Variants in SLC30A10 observed in about 807,000 individuals in gnomAD.
The protein encoded by SLC30A10 is calcium/manganese antiporter SLC30A10.
SLC30A10 carries 8 observed loss-of-function variants against 21.7 expected under a neutral mutation model. That is an observed-to-expected ratio of 0.37 (90% CI 0.22 to 0.67). The LOEUF is 0.67. SLC30A10 is among the 30% of genes least tolerant of loss of function. The probability of loss-of-function intolerance (pLI) is 0.58; values close to 1 mark genes in which losing one functional copy is unlikely to be tolerated. For missense variants in SLC30A10, 521 were observed against 642.5 expected (o/e 0.81, Z 2.04); for synonymous variants, 272 against 279.4 (o/e 0.97, Z 0.26).
chr1:219,958,815 C>T (rs1456706913), upstream of SLC30A10, among the ~76,000 whole-genome samples: 7 of 152,142 alleles, frequency 4.6e-5, 1 homozygote, highest in South Asian at 8.3e-4. Context: ...CGTAAGTGCT[C>T]TTCTTGTGCT....
At chr1:219,932,715 T>C (rs111384818), upstream of SLC30A10, among the ~76,000 whole-genome samples, 12 of 143,356 alleles carry the variant, frequency 8.4e-5, no homozygotes, top group Non-Finnish European at 1.4e-4. Flanking sequence ...CTTTTTTTTT[T>C]TTTTTTTTTT....
intron 2 of SLC30A10, among the ~76,000 whole-genome samples, chr1:219,922,188 T>TTG (rs1558252132): frequency 7.5e-5 from 1 of 13,374 alleles, no homozygotes; most frequent in Admixed American, 7.7e-4. Context: ...TTTTTTTTTT[T>TTG]TTTTTTTTTT....
chr1:219,954,986 C>T (rs1243246859), intron 1 of SLC30A10, among the ~76,000 whole-genome samples: 2 of 151,986 alleles, frequency 1.3e-5, no homozygotes, highest in African/African-American at 4.8e-5. Flanking sequence ...AAAGAAACTT[C>T]AGGTCTGAAA....
chr1:219,913,293 T>C lies in SLC30A10; in HGVS notation c.*2156A>G, dbSNP rs1014993801. Among the ~76,000 whole-genome samples, 1 of 152,278 alleles carries C rather than the reference T, an allele frequency of 6.6e-6. No homozygotes were observed. The highest frequency in any genetic ancestry group is 1.5e-5 in the Non-Finnish European group (1 of 68,050). On this transcript the variant is annotated 3_prime_UTR_variant, in exon 4 of 4. Coordinates refer to ENST00000366926, the MANE Select transcript of SLC30A10 (RefSeq NM_018713.3). ...CTGGTATAACTGTCTATCAAGATAC[T>C]TTTCTGAAGTTAGGTTTAATTACAG...
chr1:219,939,521 C>G (rs544085158), intron 1 of SLC30A10, among the ~76,000 whole-genome samples: 1 of 152,260 alleles, frequency 6.6e-6, no homozygotes, highest in Non-Finnish European at 1.5e-5. Flanking sequence ...CTCCACCCCC[C>G]CAGGTTCAAG....
chr1:219,916,928 C>T (rs528908328), intron 3 of SLC30A10, among the ~76,000 whole-genome samples: 5 of 149,982 alleles, frequency 3.3e-5, no homozygotes, highest in South Asian at 2.1e-4. Flanking sequence ...ATGTAGTAAA[C>T]GCTATGAAAA....
At chr1:219,932,472 G>A (rs1659982405), upstream of SLC30A10, among the ~76,000 whole-genome samples, 2 of 151,938 alleles carry the variant, frequency 1.3e-5, no homozygotes, top group South Asian at 2.1e-4. Flanking sequence ...TTTGTTTTTA[G>A]TTCTACTTGA....
chr1:219,951,700 G>C (rs983665326), intron 1 of SLC30A10, among the ~76,000 whole-genome samples: 1 of 151,142 alleles, frequency 6.6e-6, no homozygotes, highest in Non-Finnish European at 1.5e-5. Context: ...CAGCCTGGAC[G>C]ACAGAGTGAG....
At chr1:219,932,083 G>A (rs533687011), upstream of SLC30A10, among the ~76,000 whole-genome samples, 4 of 141,536 alleles carry the variant, frequency 2.8e-5, no homozygotes, top group East Asian at 8.3e-4. Context: ...TTTTTTTTGA[G>A]ACGGAGTCTC....
chr1:219,928,503 C>T lies in SLC30A10; in HGVS notation c.-63G>A, dbSNP rs1462795248. On this transcript the variant is annotated 5_prime_UTR_variant, in exon 1 of 4. Transcript: ENST00000366926. This position sits in a 1 kb window ranked among gnomAD's most constrained non-coding sequence, Gnocchi z 6.3. Reference sequence around the variant, plus strand: ...GAGCGCAGCCCACCCCGCGCGCAGCCACAGGTGGGGGGCGCGGCGCGGATC... The same window carrying T: ...GAGCGCAGCCCACCCCGCGCGCAGCTACAGGTGGGGGGCGCGGCGCGGATC... 27 of 1,421,802 alleles carry T rather than the reference C, an allele frequency of 1.9e-5. 1 individual carries two copies. The highest frequency in any genetic ancestry group is 1.6e-4 in the African/African-American group (11 of 66,782). The allele number at this position is 1,421,802 out of a possible 1,614,324, so 88.1% of individuals were successfully genotyped here.
rs765637578 is a variant in SLC30A10, at chr1:219,920,438, C to G, written c.719-1944G>C. Among the ~76,000 whole-genome samples the G allele has an allele frequency of 3.0e-4, 46 of 152,130 alleles. 1 individual carries two copies. Among genetic ancestry groups the G allele is most frequent in the Non-Finnish European group, 4.4e-5 (3 of 68,028 alleles). On this transcript the variant is annotated intron_variant, in intron 2 of 3. Coordinates refer to ENST00000366926, the MANE Select transcript of SLC30A10 (RefSeq NM_018713.3). ...TTACTGCGTGAGACAGTCTGTTATT[C>G]TCTGATTGTCTCATACATGTTAGGT...
chr1:219,922,339 C>T (rs1428745860), intron 2 of SLC30A10, among the ~76,000 whole-genome samples: 1 of 150,834 alleles, frequency 6.6e-6, no homozygotes, highest in Non-Finnish European at 1.5e-5. Context: ...ATAAATACAT[C>T]GATAATCTCC....
chr1:219,934,935 G>A (rs1477001567), intron 1 of SLC30A10, among the ~76,000 whole-genome samples: 1 of 152,172 alleles, frequency 6.6e-6, no homozygotes, highest in African/African-American at 2.4e-5. Flanking sequence ...GGGGACAAGG[G>A]TAAGTGAAAA....
intron 1 of SLC30A10, among the ~76,000 whole-genome samples, chr1:219,941,577 CT>C (rs1660123375): frequency 1.3e-5 from 1 of 78,062 alleles, no homozygotes; most frequent in Non-Finnish European, 2.5e-5. Flanking sequence ...TCCTCCCTCC[CT>C]TCCTCTCTGC....
upstream of SLC30A10, among the ~76,000 whole-genome samples, chr1:219,932,455 A>G (rs1432692115): frequency 1.3e-5 from 2 of 152,124 alleles, no homozygotes; most frequent in Non-Finnish European, 2.9e-5. Context: ...CTGTAAAAGC[A>G]TCTGTTTTTG....
chr1:219,921,669 T>TTA (rs1408026590), intron 2 of SLC30A10, among the ~76,000 whole-genome samples: 2 of 119,198 alleles, frequency 1.7e-5, no homozygotes, highest in Non-Finnish European at 3.5e-5. Flanking sequence ...TTTCATTCAA[T>TTA]TATAATTAAT....
intron 2 of SLC30A10, among the ~76,000 whole-genome samples, chr1:219,925,165 C>T (rs1455987306): frequency 6.6e-6 from 1 of 152,178 alleles, no homozygotes; most frequent in African/African-American, 2.4e-5. Flanking sequence ...ATCACTATAA[C>T]TATGAGGGCC....
At chr1:219,920,040 G>T (rs879369831) in intron 2 of SLC30A10, among the ~76,000 whole-genome samples, 1 of 152,008 alleles carries the variant, frequency 6.6e-6, no homozygotes, top group Non-Finnish European at 1.5e-5. Flanking sequence ...AACATCATAG[G>T]TAAAATGGCA....
At position 219,927,797 on chromosome 1, in the gene SLC30A10, G is replaced by T. The variant is rs944319367; in HGVS notation, c.640+4C>A. 3.3e-6 allele frequency: 5 copies of T among 1,536,086 alleles called. No individual in the cohort carries two copies. Among genetic ancestry groups the T allele is most frequent in the Non-Finnish European group, 4.4e-6 (5 of 1,142,320 alleles). ...GCGGTCCAAAGGATGCAACCGAAAG[G>T]CACCTGCTACGTTTGCGAACACGGT... On this transcript the variant is annotated splice_donor_region_variant and intron_variant, in intron 1 of 3. Coordinates refer to ENST00000366926, the MANE Select transcript of SLC30A10 (RefSeq NM_018713.3).
Sources: gnomAD v4.1 joint callset for allele counts (sites outside exome capture counted in the v4.1 genomes callset) on GRCh38, gnomAD v4.1.1 for gene constraint, Gnocchi (gnomAD v3.1) non-coding constraint, MANE v1.5 for transcripts, NCBI Gene and HGNC (gene_info 2026-07-23, HGNC 2026-07-21) for gene names.